Variants in ELAPOR1 observed in about 807,000 individuals in gnomAD.
ELAPOR1 encodes the protein endosome-lysosome associated apoptosis and autophagy regulator 1.
Under a neutral mutation model 119.7 loss-of-function variants are expected in ELAPOR1, and 77 were observed. That is an observed-to-expected ratio of 0.64 (90% CI 0.54 to 0.78). The LOEUF is 0.78. ELAPOR1 is among the 30% of genes least tolerant of loss of function. ELAPOR1 has a pLI of 0.00. For missense variants in ELAPOR1, 1,115 were observed against 1,270.4 expected (o/e 0.88, Z 1.86); for synonymous variants, 481 against 487.2 (o/e 0.99, Z 0.17).
intron 1 of ELAPOR1, among the ~76,000 whole-genome samples, chr1:109,157,613 T>C (rs1483845094): frequency 6.6e-6 from 1 of 152,128 alleles, no homozygotes; most frequent in East Asian, 1.9e-4. Context: ...ATGCAGGAGT[T>C]TGTATATCCC....
chr1:109,132,883 C>T (rs1401292503), intron 1 of ELAPOR1, among the ~76,000 whole-genome samples: 1 of 152,104 alleles, frequency 6.6e-6, no homozygotes, highest in African/African-American at 2.4e-5. Flanking sequence ...TTAGGAAATA[C>T]CTCCGTCAAA....
At chr1:109,157,579 A>G (rs2101031652) in intron 1 of ELAPOR1, among the ~76,000 whole-genome samples, 1 of 152,258 alleles carries the variant, frequency 6.6e-6, no homozygotes, top group East Asian at 1.9e-4. Context: ...CTGCATAACT[A>G]TACAGCAGCC....
In ELAPOR1 at chr1:109,204,968, A is replaced by C. The variant is rs1384305676; in HGVS notation, c.*1956A>C. 1 of 152,074 alleles carries C rather than the reference A, an allele frequency of 6.6e-6. No individual in the cohort carries two copies. The highest frequency in any genetic ancestry group is 1.9e-4 in the East Asian group (1 of 5,198). 9.4% of individuals were successfully genotyped at this position (152,074 alleles called of 1,614,324 possible). ...AAGCCCCTATCTTTCTCTTTTTTTC[A>C]TTCTCAATTGCTTTGTGTGATAAAA... On this transcript the variant is annotated 3_prime_UTR_variant, in exon 22 of 22. Transcript: ENST00000369939.
intron 15 of ELAPOR1, 126 bp from the exon 16 acceptor site, chr1:109,197,348 T>C (rs1274933678): frequency 6.5e-6 from 5 of 766,266 alleles, no homozygotes; most frequent in Non-Finnish European, 4.3e-6. Context: ...GGATGAATCA[T>C]TCCCCTACAA....
intron 1 of ELAPOR1, among the ~76,000 whole-genome samples, chr1:109,122,450 G>A (rs2100962404): frequency 6.6e-6 from 1 of 151,648 alleles, no homozygotes; most frequent in Middle Eastern, 3.4e-3. Context: ...CTTGAGCCCA[G>A]GAGTTCAGGA....
intron 2 of ELAPOR1, among the ~76,000 whole-genome samples, 197 bp downstream of exon 2, chr1:109,162,211 T>C (rs1462926882): frequency 6.6e-6 from 1 of 152,270 alleles, no homozygotes; most frequent in African/African-American, 2.4e-5. Flanking sequence ...ACTGGATATC[T>C]GAATTTGCTT....
chr1:109,142,178 G>A (rs1649867272), intron 1 of ELAPOR1, among the ~76,000 whole-genome samples: 1 of 151,634 alleles, frequency 6.6e-6, no homozygotes, highest in African/African-American at 2.4e-5. Context: ...ATTGAATTCT[G>A]GCACTCTGAA....
intron 10 of ELAPOR1, 24 bp downstream of exon 10, chr1:109,189,218 G>A (rs1653269599): frequency 1.9e-6 from 3 of 1,609,476 alleles, no homozygotes; most frequent in Non-Finnish European, 2.5e-6. Flanking sequence ...CCTGTGCCAT[G>A]AGCTGTCAGC....
chr1:109,149,544 G>A (rs1448912767), intron 1 of ELAPOR1, among the ~76,000 whole-genome samples: 4 of 152,090 alleles, frequency 2.6e-5, no homozygotes, highest in African/African-American at 9.7e-5. Flanking sequence ...CCCAGCACCC[G>A]CACAGCTCCC....
chr1:109,169,670 T>C (rs1230904705), intron 3 of ELAPOR1, among the ~76,000 whole-genome samples: 2 of 152,232 alleles, frequency 1.3e-5, no homozygotes, highest in Non-Finnish European at 2.9e-5. Context: ...CTCCCCACTA[T>C]GTGCCAGGTC....
Position 109,203,811 on chromosome 1 carries a change from G to T in ELAPOR1, c.*799G>T, listed in dbSNP as rs1433540023. The T allele has an allele frequency of 2.0e-5, 3 of 151,142 alleles. No homozygotes were observed. The highest frequency in any genetic ancestry group is 7.3e-5 in the African/African-American group (3 of 40,864). The allele number at this position is 151,142 out of a possible 1,614,324, so 9.4% of individuals were successfully genotyped here. A position where few individuals can be genotyped will look rare whatever the true frequency, so the allele number is the denominator to read the frequency against. ...GAATAGCGTGAACCTGGAAGGCGGAGCTTGCAGTGAGCCGAGATCGCGCCA... is the reference window on the plus strand; with the variant it reads ...GAATAGCGTGAACCTGGAAGGCGGATCTTGCAGTGAGCCGAGATCGCGCCA... On this transcript the variant is annotated 3_prime_UTR_variant, in exon 22 of 22. Coordinates refer to ENST00000369939, the MANE Select transcript of ELAPOR1 (RefSeq NM_020775.5).
chr1:109,189,748 G>C (rs868588664), intron 11 of ELAPOR1, 66 bp downstream of exon 11: 35 of 1,245,026 alleles, frequency 2.8e-5, no homozygotes, highest in Middle Eastern at 3.8e-4. Context: ...ACGTATTTTG[G>C]AATATTGTAG....
At chr1:109,187,635 G>A (rs976203238) in intron 8 of ELAPOR1, 2 of 1,002,050 alleles carry the variant, frequency 2.0e-6, no homozygotes, top group Admixed American at 6.1e-5. Context: ...TGTACCCAAT[G>A]CAGGGGCCAT....
chr1:109,158,181 T>C (rs892328562), intron 1 of ELAPOR1, among the ~76,000 whole-genome samples: 2 of 152,156 alleles, frequency 1.3e-5, no homozygotes, highest in African/African-American at 4.8e-5. Context: ...AGCCACTGCG[T>C]CTGGCCTCTA....
intron 1 of ELAPOR1, among the ~76,000 whole-genome samples, chr1:109,152,788 A>C (rs1650611648): frequency 6.6e-6 from 1 of 151,814 alleles, no homozygotes; most frequent in Admixed American, 6.6e-5. Flanking sequence ...TATTAAAAAT[A>C]CAAAAAAATT....
intron 21 of ELAPOR1, 91 bp downstream of exon 21, chr1:109,200,991 G>C: frequency 7.8e-7 from 1 of 1,275,670 alleles, no homozygotes; most frequent in Non-Finnish European, 1.1e-6. Context: ...ACCGTTCAGG[G>C]ATGGGCACCC....
At chr1:109,115,476 C>T (rs140402468) in intron 1 of ELAPOR1, among the ~76,000 whole-genome samples, 132 of 152,174 alleles carry the variant, frequency 8.7e-4, no homozygotes, top group African/African-American at 3.0e-3. Context: ...AATGAGGTTT[C>T]GATATACTGC....
intron 1 of ELAPOR1, among the ~76,000 whole-genome samples, chr1:109,127,989 T>C (rs1648903190): frequency 6.6e-6 from 1 of 151,804 alleles, no homozygotes; most frequent in Non-Finnish European, 1.5e-5. Context: ...TCCTCCAGCC[T>C]TAGCCTCCTG....
At chr1:109,189,240 C>T (rs913969194) in intron 10 of ELAPOR1, 46 bp downstream of exon 10, 1 of 1,591,660 alleles carries the variant, frequency 6.3e-7, no homozygotes, top group African/African-American at 1.3e-5. Flanking sequence ...CCCTGCACAC[C>T]CTCAGTTCTT....
Sources: allele counts gnomAD v4.1 joint callset (sites outside exome capture counted in the v4.1 genomes callset), GRCh38; gene constraint gnomAD v4.1.1; transcripts MANE v1.5; gene names NCBI Gene and HGNC (gene_info 2026-07-23, HGNC 2026-07-21).